The following RAB11FIP5 variants were observed in gnomAD, a reference collection of about 807,000 sequenced individuals.
The protein encoded by RAB11FIP5 is rab11 family-interacting protein 5.
In RAB11FIP5, 48 loss-of-function variants were observed where a neutral mutation model predicts 85.1. That is an observed-to-expected ratio of 0.56 (90% confidence interval 0.45 to 0.72). The LOEUF is 0.72. Among genes scored for constraint, RAB11FIP5 ranks in the 30% least tolerant of loss-of-function variants. The pLI is 0.00. For synonymous variants in RAB11FIP5, 729 were observed against 727.3 expected, an observed-to-expected ratio of 1.00 and a Z score of -0.04; for missense variants, 1,491 against 1,687.0, an observed-to-expected ratio of 0.88 and a Z score of 2.04.
chr2:73,081,353 G>C lies in RAB11FIP5; in HGVS notation c.1879C>G (p.Leu627Val). ...GGGCTGGCCCTCGAGGCACTGGGGA[G>C]AGAGGGAGCAGGTGAAGGAGAGTTT... is the stretch of plus-strand genomic sequence containing the variant. ...ALNSPSPAPSLPSASRASPTP... is the reference protein window; with the variant it reads ...ALNSPSPAPSVPSASRASPTP... Residue 627 changes from leucine to valine, a missense_variant, in exon 4 of 6, where the codon CTC becomes GTC. By Grantham distance (32) the Leu-to-Val change is conservative (BLOSUM62 1). Transcript: ENST00000486777. This position sits in a 1 kb window ranked among gnomAD's most constrained non-coding sequence, Gnocchi z 4.2. 8.1e-7 allele frequency: 1 copy of C among 1,232,928 alleles called. No individual in the cohort carries two copies. Among genetic ancestry groups the C allele is most frequent in the Non-Finnish European group, 1.0e-6 (1 of 988,540 alleles). The allele number at this position is 1,232,928 out of a possible 1,614,324, so 76.4% of individuals were successfully genotyped here. A position where few individuals can be genotyped will look rare whatever the true frequency, so the allele number is the denominator to read the frequency against.
intron 3 of RAB11FIP5, among the ~76,000 whole-genome samples, chr2:73,085,364 C>T (rs960317005): frequency 1.3e-5 from 2 of 152,194 alleles, no homozygotes; most frequent in Non-Finnish European, 2.9e-5. Flanking sequence ...CCCTTCTGTG[C>T]ATAGAGTCCT....
chr2:73,076,256 G>C lies in RAB11FIP5; in HGVS notation c.3582-74C>G, dbSNP rs137888761. On this transcript the variant is annotated intron_variant, in intron 4 of 5. Coordinates refer to ENST00000486777, the MANE Select transcript of RAB11FIP5 (RefSeq NM_001371272.1). ...GGTCAAAGGTGGGGCTGCCTTCCCT[G>C]TGGAGCCTCCAGGTCTGCTGGACAG... The C allele has an allele frequency of 2.1e-4, 293 of 1,369,356 alleles. 1 individual carries two copies. The African/African-American group carries it at 3.8e-3, about 18-fold the overall frequency. The allele number at this position is 1,369,356 out of a possible 1,614,324, so 84.8% of individuals were successfully genotyped here. A position where few individuals can be genotyped will look rare whatever the true frequency, so the allele number is the denominator to read the frequency against.
Position 73,080,391 on chromosome 2 carries a change from C to T in RAB11FIP5, c.2841G>A (p.Pro947=), listed in dbSNP as rs114872593. 6,576 of 1,233,130 alleles carry T rather than the reference C, an allele frequency of 5.3e-3. 31 individuals carry two copies. The highest frequency in any genetic ancestry group is 6.1e-3 in the Non-Finnish European group (6,073 of 988,448). The allele number at this position is 1,233,130 out of a possible 1,614,324, so 76.4% of individuals were successfully genotyped here. A position where few individuals can be genotyped will look rare whatever the true frequency, so the allele number is the denominator to read the frequency against. Reference sequence around the variant, plus strand: ...GCTTCTCTCCCTCCTCCTTGGTCTCCGGGGGACCGACAACCAGTGCACTTG... The same window carrying T: ...GCTTCTCTCCCTCCTCCTTGGTCTCTGGGGGACCGACAACCAGTGCACTTG... ...ASPSALVVGP[P]ETKEEGEKRE... Residue 947 remains proline, a synonymous_variant, in exon 4 of 6, where the codon CCG becomes CCA. Transcript: ENST00000486777.
rs1683929015 is a variant in RAB11FIP5 at position 73,079,667 on chromosome 2, G to T, written c.3565C>A (p.Pro1189Thr). 1 of 1,233,360 alleles carries T rather than the reference G, an allele frequency of 8.1e-7. No homozygotes were observed. The highest frequency in any genetic ancestry group is 4.1e-5 in the South Asian group (1 of 24,364). 76.4% of individuals were successfully genotyped at this position (1,233,360 alleles called of 1,614,324 possible). The change falls in exon 4 of 6, where the codon CCA becomes ACA. Residue 1189 changes from proline to threonine, a missense_variant. This residue lies in a region of RAB11FIP5 where 232 missense variants were observed against 259.1 expected (regional missense o/e 0.90). Transcript: ENST00000486777. Reference sequence around the variant, plus strand: ...GATGCTCACCTGGCACTGGGCTGTGGCTCCTCAGCTGGTCGTGTCTCCAAG... The same window carrying T: ...GATGCTCACCTGGCACTGGGCTGTGTCTCCTCAGCTGGTCGTGTCTCCAAG... ...LPLETRPAEE[P>T]QPSASPHPVK...
At chr2:73,096,347 T>A (rs536766507) in intron 1 of RAB11FIP5, among the ~76,000 whole-genome samples, 1 of 152,298 alleles carries the variant, frequency 6.6e-6, no homozygotes, top group East Asian at 1.9e-4. Context: ...AGGGGAGAGC[T>A]GACCTGGGGC....
chr2:73,097,661 C>T (rs1169858668), intron 1 of RAB11FIP5, among the ~76,000 whole-genome samples: 1 of 152,154 alleles, frequency 6.6e-6, no homozygotes, highest in Non-Finnish European at 1.5e-5. Context: ...TCCCAAAGAG[C>T]AAAGAGGATC....
rs375147195 is a variant in RAB11FIP5 at position 73,088,598 on chromosome 2, C to G, written c.1020G>C (p.Gly340=). The part of the protein sequence containing the change: ...AASRSSLCVN[G]SHIYNEEPQG... ...GGGGCTCCTCATTGTAAATGTGGCT[C>G]CCATTGACACAGAGCGAAGAGCGGG... The change falls in exon 3 of 6, where the codon GGG becomes GGC. Residue 340 remains glycine, a synonymous_variant. Transcript: ENST00000486777. The G allele has an allele frequency of 1.2e-6, 2 of 1,613,512 alleles. No homozygotes were observed. The highest frequency in any genetic ancestry group is 2.7e-5 in the African/African-American group (2 of 74,958).
Position 73,088,079 on chromosome 2 carries a change from T to C in RAB11FIP5, c.1539A>G (p.Arg513=), listed in dbSNP as rs1684124494. Residue 513 remains arginine, a synonymous_variant, in exon 3 of 6, where the codon AGA becomes AGG. Transcript: ENST00000486777. ...EKAKSSWFGL[R]EAKDPTQKPS... ...GTTTCTGAGTCGGGTCCTTGGCTTC[T>C]CTCAAGCCAAACCAGCTACTCTTGG... 2 of 1,607,314 alleles carry C rather than the reference T, an allele frequency of 1.2e-6. No individual in the cohort carries two copies. The highest frequency in any genetic ancestry group is 2.7e-5 in the African/African-American group (2 of 74,622).
At position 73,098,101 on chromosome 2, in the gene RAB11FIP5, T is replaced by C. The variant is rs546160637; in HGVS notation, c.432-8786A>G. Reference sequence around the variant, plus strand: ...GCATGGACTTCGGTGCCAGGCTGCCTGGTTAAGCCCCAGCCCACCACGTGC... The same window carrying C: ...GCATGGACTTCGGTGCCAGGCTGCCCGGTTAAGCCCCAGCCCACCACGTGC... On this transcript the variant is annotated intron_variant, in intron 1 of 5. Coordinates refer to ENST00000486777, the MANE Select transcript of RAB11FIP5 (RefSeq NM_001371272.1). Among the ~76,000 whole-genome samples, 137 of 152,322 alleles carry C rather than the reference T, an allele frequency of 9.0e-4. 1 individual carries two copies. The highest frequency in any genetic ancestry group is 3.2e-3 in the African/African-American group (135 of 41,578).
At chr2:73,076,230 G>C in intron 4 of RAB11FIP5, 48 bp from the exon 5 acceptor site, 1 of 1,497,870 alleles carries the variant, frequency 6.7e-7, no homozygotes, top group South Asian at 1.2e-5. Context: ...AGGGTGGCAC[G>C]GGTCAAAGGT....
rs1231210099 is a variant in RAB11FIP5, at chr2:73,080,550, C to T, written c.2682G>A (p.Gly894=). ...TGGGAGGTGGGGTGCTGGGCTGCAG[C>T]CCCTTGTCAGACACCCACTCGGGTT... The part of the protein sequence containing the change: ...EPKPEWVSDK[G]LQPSTPPPKP... Residue 894 remains glycine (G), a synonymous_variant, in exon 4 of 6, where the codon GGG becomes GGA. Coordinates refer to ENST00000486777, the MANE Select transcript of RAB11FIP5 (RefSeq NM_001371272.1). The T allele has an allele frequency of 1.6e-6, 2 of 1,232,424 alleles. No homozygotes were observed. Among genetic ancestry groups the T allele is most frequent in the Non-Finnish European group, 2.0e-6 (2 of 988,126 alleles). 76.3% of individuals were successfully genotyped at this position (1,232,424 alleles called of 1,614,324 possible).
intron 1 of RAB11FIP5, among the ~76,000 whole-genome samples, chr2:73,110,488 G>C (rs569399004): frequency 4.2e-5 from 5 of 120,148 alleles, no homozygotes; most frequent in African/African-American, 9.5e-5. Flanking sequence ...TTCCCCCCCC[G>C]GTTCTATAAA....
Position 73,074,893 on chromosome 2 carries a change from C to A in RAB11FIP5, c.*628G>T, listed in dbSNP as rs1008084626. The A allele has an allele frequency of 1.6e-4, 49 of 313,208 alleles. No homozygotes were observed. Among genetic ancestry groups the A allele is most frequent in the Admixed American group, 7.5e-4 (18 of 23,852 alleles). 19.4% of individuals were successfully genotyped at this position (313,208 alleles called of 1,614,324 possible). A position where few individuals can be genotyped will look rare whatever the true frequency, so the allele number is the denominator to read the frequency against. ...CCTGAAGCACACACATCATCCACCA[C>A]TGTCCACATGGCACTCGCCCCACAA... On this transcript the variant is annotated 3_prime_UTR_variant, in exon 6 of 6. Transcript: ENST00000486777.
chr2:73,075,510 G>T lies in RAB11FIP5; in HGVS notation c.*11C>A. ...TCCATGCCAACCCTCCTGGGGGTAG[G>T]GTGAGGAAGGCTATTTGGGGGGGCC... On this transcript the variant is annotated 3_prime_UTR_variant, in exon 6 of 6. Coordinates refer to ENST00000486777, the MANE Select transcript of RAB11FIP5 (RefSeq NM_001371272.1). The surrounding 1 kb of genome is among the most constrained non-coding windows in gnomAD (Gnocchi z 4.6). 6.2e-7 allele frequency: 1 copy of T among 1,613,514 alleles called. No individual in the cohort carries two copies. Among genetic ancestry groups the T allele is most frequent in the Non-Finnish European group, 8.5e-7 (1 of 1,179,468 alleles).
chr2:73,088,925 G>A lies in RAB11FIP5; in HGVS notation c.822C>T (p.Leu274=), dbSNP rs754585602. Residue 274 remains leucine (L), a synonymous_variant, in exon 2 of 6, where the codon CTC becomes CTT. Transcript: ENST00000486777. ...TGCTACGGCTTGGTGAGCGGGTGAG[G>A]AGTTCGGCGCCAGGTCCCTGGTAGG... The part of the protein sequence containing the change: ...SLAYQGPGAE[L]LTRSPSRSSW... 13 of 1,599,772 alleles carry A rather than the reference G, an allele frequency of 8.1e-6. No homozygotes were observed. The South Asian group carries it at 1.4e-4, about 17-fold the overall frequency.
intron 1 of RAB11FIP5, among the ~76,000 whole-genome samples, chr2:73,108,568 T>G (rs1327402533): frequency 1.3e-5 from 2 of 152,142 alleles, no homozygotes; most frequent in African/African-American, 4.8e-5. Context: ...CTTCCTTCCC[T>G]CTTCTGATAT....
intron 3 of RAB11FIP5, among the ~76,000 whole-genome samples, chr2:73,083,140 C>T (rs973934763): frequency 6.6e-6 from 1 of 152,232 alleles, no homozygotes; most frequent in African/African-American, 2.4e-5. Context: ...AGAAGCCGGG[C>T]TTTGGCCAGC....
At chr2:73,107,768 A>G (rs1014724211) in intron 1 of RAB11FIP5, among the ~76,000 whole-genome samples, 4 of 152,228 alleles carry the variant, frequency 2.6e-5, no homozygotes, top group Non-Finnish European at 5.9e-5. Context: ...CTCTGCAGCC[A>G]GAGTAGACCT....
Position 73,089,222 on chromosome 2 carries a change from G to A in RAB11FIP5, c.525C>T (p.Ala175=). ...TIQFTRNNLS[A]SMFDLSMKDK... is the part of the protein sequence containing the mutation. ...CCTTCATGGACAGGTCAAACATACT[G>A]GCGCTCAGGTTGTTGCGCGTGAACT... The change falls in exon 2 of 6, where the codon GCC becomes GCT. Residue 175 remains alanine, a synonymous_variant. Transcript: ENST00000486777. The surrounding 1 kb of genome is among the most constrained non-coding windows in gnomAD (Gnocchi z 4.6). 2 of 1,614,156 alleles carry A rather than the reference G, an allele frequency of 1.2e-6. No individual in the cohort carries two copies. The highest frequency in any genetic ancestry group is 2.2e-5 in the South Asian group (2 of 91,090).
Sources: gnomAD v4.1 joint callset for allele counts (sites outside exome capture counted in the v4.1 genomes callset) on GRCh38, gnomAD v4.1.1 for gene constraint, gnomAD v4.1.1 regional missense constraint, Gnocchi (gnomAD v3.1) non-coding constraint, MANE v1.5 for transcripts, NCBI Gene and HGNC (gene_info 2026-07-23, HGNC 2026-07-21) for gene names.